The following PZP variants were observed in gnomAD, a reference collection of about 807,000 sequenced individuals.
PZP encodes the protein PZP alpha-2-macroglobulin like, also known as pregnancy zone protein.
In PZP, 150 loss-of-function variants were observed where a neutral mutation model predicts 179.8. That is an observed-to-expected ratio of 0.83 (90% CI 0.73 to 0.96). The LOEUF (loss-of-function observed/expected upper bound fraction) is 0.96, where lower values mean the gene tolerates loss of function less well. Ranked by LOEUF, PZP falls within the 40% of genes least tolerant of loss-of-function variation. The pLI is 0.00. For missense variants in PZP, 1,689 were observed against 1,764.0 expected (o/e 0.96, Z 0.76); for synonymous variants, 624 against 652.3 (o/e 0.96, Z 0.66).
chr12:9,158,088 C>A (rs1257671033), intron 26 of PZP, among the ~76,000 whole-genome samples: 2 of 152,184 alleles, frequency 1.3e-5, no homozygotes, highest in African/African-American at 4.8e-5. Context: ...GTAGCTGCAA[C>A]TACAGGCACA....
At position 9,184,423 on chromosome 12, in the gene PZP, C is replaced by T. The variant is rs117443011; in HGVS notation, c.1547-2306G>A. Among the ~76,000 whole-genome samples the T allele has an allele frequency of 3.7e-4, 57 of 152,362 alleles. No individual in the cohort carries two copies. In the East Asian group the frequency reaches 7.9e-3, roughly 21 times the overall value. ...TGCCCCACCCCCATGCTAACACCAC[C>T]GTCAGTGCAAATGCATGCACAGTTG... On this transcript the variant is annotated intron_variant, in intron 13 of 35. Transcript: ENST00000261336.
At chr12:9,172,926 A>G (rs1942097583) in intron 15 of PZP, among the ~76,000 whole-genome samples, 1 of 152,258 alleles carries the variant, frequency 6.6e-6, no homozygotes, top group Non-Finnish European at 1.5e-5. Flanking sequence ...ATTAAGACAG[A>G]AAATTAACAA....
chr12:9,188,487 A>G (rs1464072463), intron 13 of PZP, among the ~76,000 whole-genome samples: 1 of 152,006 alleles, frequency 6.6e-6, no homozygotes, highest in Non-Finnish European at 1.5e-5. Context: ...CTCTCTCACC[A>G]CTCCTATTGA....
the PZP span, among the ~76,000 whole-genome samples, chr12:9,140,931 T>G: frequency 6.6e-6 from 1 of 152,212 alleles, no homozygotes; most frequent in African/African-American, 2.4e-5. Context: ...TCAAATCATG[T>G]TCTGTTACAA....
intron 21 of PZP, 72 bp from the exon 22 acceptor site, chr12:9,162,720 T>C: frequency 8.4e-7 from 1 of 1,185,404 alleles, no homozygotes; most frequent in Non-Finnish European, 1.2e-6. Flanking sequence ...TGGATTCCTT[T>C]CTTTGATGGG....
chr12:9,164,817 C>T lies in PZP; in HGVS notation c.2487+322G>A, dbSNP rs185879334. Among the ~76,000 whole-genome samples, 15 of 152,240 alleles carry T rather than the reference C, an allele frequency of 9.9e-5. No homozygotes were observed. The East Asian group carries it at 2.5e-3, about 25-fold the overall frequency. ...AGATGACGGGTTGGAGAATGACTCT[C>T]GTGGAACTGAGAAAGCTGAGTTGTG... On this transcript the variant is annotated intron_variant, in intron 19 of 35. Coordinates refer to ENST00000261336, the MANE Select transcript of PZP (RefSeq NM_002864.3).
chr12:9,186,522 A>G (rs760728239), intron 13 of PZP, among the ~76,000 whole-genome samples: 7 of 152,320 alleles, frequency 4.6e-5, no homozygotes, highest in East Asian at 1.9e-4. Context: ...CTCACATGCA[A>G]TGACACTGAT....
intron 15 of PZP, among the ~76,000 whole-genome samples, chr12:9,172,180 C>A (rs536655163): frequency 6.6e-6 from 1 of 152,214 alleles, no homozygotes; most frequent in South Asian, 2.1e-4. Flanking sequence ...AAATTGGGGG[C>A]CAATATTCAA....
chr12:9,145,695 A>G (rs1036141629), downstream of PZP, among the ~76,000 whole-genome samples: 1 of 152,154 alleles, frequency 6.6e-6, no homozygotes, highest in African/African-American at 2.4e-5. Context: ...TTTCAGTTGA[A>G]AAACTCTCTT....
chr12:9,200,995 C>CA lies in PZP; in HGVS notation c.566dup (p.Leu189PhefsTer41), dbSNP rs769922960. The CA allele has an allele frequency of 2.9e-5, 47 of 1,614,096 alleles. No individual in the cohort carries two copies. The highest frequency in any genetic ancestry group is 3.9e-5 in the Non-Finnish European group (46 of 1,179,976). ...TGGGCTCTGATGAGAGGGGAAAGGA[C>CA]AACTGATTGATGCCAGCTTCTAGCT... On this transcript the variant is annotated frameshift_variant, in exon 6 of 36. Transcript: ENST00000261336. LOFTEE classifies it high-confidence loss of function.
At chr12:9,204,417 A>G (rs898442187) in intron 1 of PZP, among the ~76,000 whole-genome samples, 2 of 152,250 alleles carry the variant, frequency 1.3e-5, no homozygotes, top group African/African-American at 2.4e-5. Context: ...CACCGTGACT[A>G]GATTTACAGA....
At chr12:9,179,782 G>A (rs898957769) in intron 15 of PZP, among the ~76,000 whole-genome samples, 1 of 152,184 alleles carries the variant, frequency 6.6e-6, no homozygotes, top group Non-Finnish European at 1.5e-5. Flanking sequence ...TCACGTAGGT[G>A]GGGAATCTTA....
chr12:9,153,412 CT>C, intron 29 of PZP, 69 bp from the exon 30 acceptor site: 1 of 1,312,020 alleles, frequency 7.6e-7, no homozygotes. Context: ...CCCCCAAAGT[CT>C]GTGTTAGCCT....
intron 15 of PZP, among the ~76,000 whole-genome samples, chr12:9,176,126 C>T (rs1282369340): frequency 6.6e-6 from 1 of 152,104 alleles, no homozygotes; most frequent in Non-Finnish European, 1.5e-5. Flanking sequence ...TACTATGCAG[C>T]CATAAAAAGG....
At chr12:9,207,483 AG>A (rs1157715837) in intron 1 of PZP, among the ~76,000 whole-genome samples, 1 of 152,198 alleles carries the variant, frequency 6.6e-6, no homozygotes, top group Non-Finnish European at 1.5e-5. Flanking sequence ...ATAGTATTTG[AG>A]GCAGGATGCA....
intron 9 of PZP, 60 bp downstream of exon 9, chr12:9,196,511 T>C (rs1943782038): frequency 7.0e-6 from 11 of 1,570,596 alleles, no homozygotes; most frequent in Non-Finnish European, 9.6e-6. Flanking sequence ...CAAATGACCT[T>C]TATTTTGTTA....
At chr12:9,150,318 C>T (rs928277879) in intron 34 of PZP, among the ~76,000 whole-genome samples, 3 of 151,980 alleles carry the variant, frequency 2.0e-5, no homozygotes, top group African/African-American at 7.3e-5. Context: ...AGTCTCGCAC[C>T]GTCACCTGGG....
In PZP at chr12:9,170,575, G is replaced by T. The variant is rs1363154767; in HGVS notation, c.1840-984C>A. On this transcript the variant is annotated intron_variant, in intron 15 of 35. Coordinates refer to ENST00000261336, the MANE Select transcript of PZP (RefSeq NM_002864.3). This position sits in a 1 kb window ranked among gnomAD's most constrained non-coding sequence, Gnocchi z 4.6. ...AGCCAGCCGACGGCAGTGGGTTGGA[G>T]TCCACCTGAGATGGACCTGAGTTCC... Among the ~76,000 whole-genome samples the T allele has an allele frequency of 6.6e-6, 1 of 152,176 alleles. No individual in the cohort carries two copies. Among genetic ancestry groups the T allele is most frequent in the Non-Finnish European group, 1.5e-5 (1 of 68,020 alleles).
downstream of PZP, among the ~76,000 whole-genome samples, chr12:9,144,661 G>A (rs1288712656): frequency 4.6e-5 from 7 of 152,150 alleles, no homozygotes; most frequent in African/African-American, 1.4e-4. Flanking sequence ...AGTATTTAAG[G>A]GTTTTAGGGT....
Sources: gnomAD v4.1 joint callset for allele counts (sites outside exome capture counted in the v4.1 genomes callset) on GRCh38, gnomAD v4.1.1 for gene constraint, Gnocchi (gnomAD v3.1) non-coding constraint, MANE v1.5 for transcripts, NCBI Gene and HGNC (gene_info 2026-07-23, HGNC 2026-07-21) for gene names.